Variants in IZUMO2 observed in about 807,000 individuals in gnomAD.
IZUMO2 encodes IZUMO family member 2.
Under a neutral mutation model 31.2 loss-of-function variants are expected in IZUMO2, and 24 were observed. The observed-to-expected ratio is 0.77, with a 90% CI of 0.56 to 1.08. The LOEUF is 1.08. Among genes scored for constraint, IZUMO2 ranks in the 50% least tolerant of loss-of-function variants. The pLI is 0.00. For missense variants in IZUMO2, 278 were observed against 274.0 expected, an observed-to-expected ratio of 1.01 and a Z score of -0.10; for synonymous variants, 144 against 117.3, an observed-to-expected ratio of 1.23 and a Z score of -1.47.
At chr19:50,158,137 A>C in intron 5 of IZUMO2, 131 bp downstream of exon 5, 1 of 504,782 alleles carries the variant, frequency 2.0e-6, no homozygotes, top group Non-Finnish European at 3.5e-6. Flanking sequence ...TCTGGGCCAC[A>C]CTCTAAGCAA....
At chr19:50,159,435 A>G in intron 3 of IZUMO2, 59 bp downstream of exon 3, 1 of 1,343,018 alleles carries the variant, frequency 7.4e-7, no homozygotes, top group East Asian at 2.3e-5. Flanking sequence ...AAGTGGTAAA[A>G]GGGGATCAAG....
At chr19:50,155,295 G>C (rs1372908903) in intron 5 of IZUMO2, among the ~76,000 whole-genome samples, 2 of 152,160 alleles carry the variant, frequency 1.3e-5, no homozygotes, top group African/African-American at 4.8e-5. Context: ...CAACTCAGGA[G>C]GCTGAGGTGG....
chr19:50,162,692 C>T (rs376233349), intron 2 of IZUMO2, 47 bp downstream of exon 2: 70 of 1,471,492 alleles, frequency 4.8e-5, no homozygotes, highest in Non-Finnish European at 6.5e-5. Context: ...GGCAGACCGG[C>T]GGAAAGAAGA....
At chr19:50,159,442 C>T in intron 3 of IZUMO2, 52 bp downstream of exon 3, 1 of 1,374,374 alleles carries the variant, frequency 7.3e-7, no homozygotes, top group South Asian at 1.2e-5. Context: ...AAAAGGGGAT[C>T]AAGAGGTCAA....
At chr19:50,154,835 C>A in intron 5 of IZUMO2, 109 bp from the exon 6 acceptor site, 1 of 1,264,848 alleles carries the variant, frequency 7.9e-7, no homozygotes, top group Admixed American at 2.2e-5. Context: ...GGGGGTGGGG[C>A]GCTCTCTCTT....
intron 2 of IZUMO2, among the ~76,000 whole-genome samples, chr19:50,162,526 G>C (rs1175277242): frequency 6.6e-6 from 1 of 152,090 alleles, no homozygotes; most frequent in Non-Finnish European, 1.5e-5. Context: ...GAGGCGGCAG[G>C]ATCGCTGGAG....
chr19:50,155,914 C>T (rs1014585013), intron 5 of IZUMO2, among the ~76,000 whole-genome samples: 1 of 152,194 alleles, frequency 6.6e-6, no homozygotes, highest in Non-Finnish European at 1.5e-5. Context: ...CGGCTCTGGC[C>T]ACACTGGCCT....
intron 2 of IZUMO2, among the ~76,000 whole-genome samples, 197 bp from the exon 3 acceptor site, chr19:50,159,777 C>T (rs2030334829): frequency 6.6e-6 from 1 of 152,136 alleles, no homozygotes; most frequent in African/African-American, 2.4e-5. Flanking sequence ...ACCGTGGGGC[C>T]TAGGCAAAGC....
In IZUMO2 at chr19:50,163,020, C is replaced by G; in HGVS notation, c.175G>C (p.Gly59Arg). Residue 59 changes from glycine to arginine, a missense_variant, in exon 1 of 7, where the codon GGC becomes CGC. Physicochemically the swap from Gly to Arg is moderately radical, Grantham distance 125. Transcript: ENST00000293405. ...LQARAGAVLM[G>R]MEGPFFRDYA... Reference sequence around the variant, plus strand: ...TCCCGGAAGAAAGGCCCCTCCATGCCCATCAGCACGGCCCCGGCGCGCGCC... The same window carrying G: ...TCCCGGAAGAAAGGCCCCTCCATGCGCATCAGCACGGCCCCGGCGCGCGCC... The G allele has an allele frequency of 6.2e-7, 1 of 1,612,048 alleles. No homozygotes were observed. Among genetic ancestry groups the G allele is most frequent in the Non-Finnish European group, 8.5e-7 (1 of 1,178,784 alleles).
chr19:50,152,663 G>C lies in IZUMO2; in HGVS notation c.624-12C>G. ...TGTATGTACAAGCCCTGGTCAGAGAGAAAAAGCCTGTAGATTAGAATGAGA... is the reference window on the plus strand; with the variant it reads ...TGTATGTACAAGCCCTGGTCAGAGACAAAAAGCCTGTAGATTAGAATGAGA... On this transcript the variant is annotated splice_polypyrimidine_tract_variant and intron_variant, in intron 6 of 6. Coordinates refer to ENST00000293405, the MANE Select transcript of IZUMO2 (RefSeq NM_152358.3). 1 of 1,608,770 alleles carries C rather than the reference G, an allele frequency of 6.2e-7. No individual in the cohort carries two copies. Among genetic ancestry groups the C allele is most frequent in the Non-Finnish European group, 8.5e-7 (1 of 1,175,262 alleles).
chr19:50,159,151 A>C, intron 4 of IZUMO2, 79 bp downstream of exon 4: 4 of 1,398,044 alleles, frequency 2.9e-6, no homozygotes, highest in Non-Finnish European at 4.0e-6. Flanking sequence ...AAGGAGTGGT[A>C]GCCAGGCTTG....
intron 1 of IZUMO2, 75 bp from the exon 2 acceptor site, chr19:50,162,888 C>A: frequency 2.5e-6 from 4 of 1,604,664 alleles, no homozygotes; most frequent in Non-Finnish European, 3.4e-6. Context: ...CCAGGCCTGG[C>A]CCCGACCCCT....
At chr19:50,152,725 CCCTCCCCATAACTTT>C in intron 6 of IZUMO2, 74 bp from the exon 7 acceptor site, 1 of 1,252,850 alleles carries the variant, frequency 8.0e-7, no homozygotes, top group Non-Finnish European at 1.2e-6. Context: ...CCCATAACTT[CCCTCCCCATAACTTT>C]CCTACAATCT....
rs769967460 is a variant in IZUMO2 at position 50,162,740 on chromosome 19, T to C, written c.306A>G (p.Lys102=). 2 of 1,613,436 alleles carry C rather than the reference T, an allele frequency of 1.2e-6. No homozygotes were observed. The highest frequency in any genetic ancestry group is 1.7e-6 in the Non-Finnish European group (2 of 1,179,398). The change falls in exon 2 of 7, where the codon AAA becomes AAG. Residue 102 remains lysine (K), a splice_region_variant and synonymous_variant. Coordinates refer to ENST00000293405, the MANE Select transcript of IZUMO2 (RefSeq NM_152358.3). ...AAGGCGTTCCCTCGTCTCTCCTACC[T>C]TTCAGAGAGTTACCCATTAAGTGCT... is the stretch of plus-strand genomic sequence containing the variant. ...QTQHLMGNSL[K]DEPLLEELVT...
intron 5 of IZUMO2, among the ~76,000 whole-genome samples, chr19:50,155,014 T>C (rs2030167857): frequency 6.6e-6 from 1 of 152,184 alleles, no homozygotes. Context: ...ATCACAGTTA[T>C]CACAGTTACA....
intron 5 of IZUMO2, among the ~76,000 whole-genome samples, chr19:50,155,241 A>G (rs925113187): frequency 3.0e-4 from 45 of 152,244 alleles, no homozygotes; most frequent in African/African-American, 9.4e-4. Flanking sequence ...TCTACAAAAA[A>G]GAAAAAATTA....
At chr19:50,158,149 T>C (rs1418366095) in intron 5 of IZUMO2, 119 bp downstream of exon 5, 4 of 541,730 alleles carry the variant, frequency 7.4e-6, no homozygotes, top group Non-Finnish European at 1.3e-5. Context: ...TCTAAGCAAA[T>C]GGTTAGGGCA....
chr19:50,152,711 G>A, intron 6 of IZUMO2, 60 bp from the exon 7 acceptor site: 18 of 1,424,584 alleles, frequency 1.3e-5, no homozygotes, highest in Non-Finnish European at 1.7e-5. Flanking sequence ...TCCAGATCAA[G>A]AGACCCATAA....
chr19:50,154,771 C>T, intron 5 of IZUMO2, 45 bp from the exon 6 acceptor site: 1 of 1,604,664 alleles, frequency 6.2e-7, no homozygotes, highest in Non-Finnish European at 8.5e-7. Context: ...GTCACCACCC[C>T]TCCTTAGCCC....
Sources: allele counts gnomAD v4.1 joint callset (sites outside exome capture counted in the v4.1 genomes callset), GRCh38; gene constraint gnomAD v4.1.1; transcripts MANE v1.5; gene names NCBI Gene and HGNC (gene_info 2026-07-23, HGNC 2026-07-21).